Variants in CCDC30 observed in about 807,000 individuals in gnomAD.
CCDC30 encodes coiled-coil domain-containing protein 30.
Under a neutral mutation model 100.2 loss-of-function variants are expected in CCDC30, and 70 were observed. That is an observed-to-expected ratio of 0.70 (90% confidence interval 0.58 to 0.85). The LOEUF is 0.85. CCDC30 is among the 40% of genes least tolerant of loss of function. CCDC30 has a pLI of 0.00. For synonymous variants in CCDC30, 233 were observed against 269.5 expected (o/e 0.86, Z 1.33); for missense variants, 652 against 771.2 (o/e 0.85, Z 1.83).
intron 6 of CCDC30, among the ~76,000 whole-genome samples, chr1:42,554,792 T>C (rs1312340209): frequency 6.6e-6 from 1 of 152,144 alleles, no homozygotes; most frequent in East Asian, 1.9e-4. Context: ...TCTGTGGCTT[T>C]CACCTCCTCT....
chr1:42,524,390 T>C (rs1644693343), intron 6 of CCDC30, among the ~76,000 whole-genome samples: 1 of 152,152 alleles, frequency 6.6e-6, no homozygotes, highest in Non-Finnish European at 1.5e-5. Flanking sequence ...CTTTCAAATG[T>C]TCTGCTCTTT....
At chr1:42,581,646 A>C (rs1194949129) in intron 9 of CCDC30, 132 bp downstream of exon 13, 5 of 730,332 alleles carry the variant, frequency 6.8e-6, no homozygotes, top group African/African-American at 5.4e-5. Context: ...TCAGCCACAC[A>C]CAATTCCTGA....
intron 6 of CCDC30, among the ~76,000 whole-genome samples, chr1:42,544,985 T>G (rs998786956): frequency 3.3e-5 from 5 of 151,898 alleles, no homozygotes; most frequent in Non-Finnish European, 5.9e-5. Flanking sequence ...AATATATTTT[T>G]GTTTTTATTA....
chr1:42,577,787 T>C (rs2809650), intron 8 of CCDC30, among the ~76,000 whole-genome samples: 148,821 of 151,904 alleles, frequency 0.98, 72,968 homozygotes, highest in East Asian at 1. Flanking sequence ...ACTACAGGCG[T>C]CCACCACCAC....
intron 6 of CCDC30, among the ~76,000 whole-genome samples, chr1:42,511,166 G>A (rs768996282): frequency 6.6e-6 from 1 of 152,094 alleles, no homozygotes; most frequent in African/African-American, 2.4e-5. Context: ...CCAGCACCTT[G>A]TTAAATGTGC....
chr1:42,493,301 C>T (rs1460347198), intron 4 of CCDC30, among the ~76,000 whole-genome samples: 5 of 152,050 alleles, frequency 3.3e-5, no homozygotes, highest in African/African-American at 9.7e-5. Context: ...TTAGAATCAA[C>T]AAAAGTGGCT....
At position 42,552,604 on chromosome 1, in the gene CCDC30, A is replaced by T. The variant is rs548368176; in HGVS notation, c.457-13692A>T. ...GGAAAAATATACTTTAAATGGAAAA[A>T]TTTTAAAAAAAATTATTTTGAGGTA... On this transcript the variant is annotated intron_variant, in intron 6 of 16. Coordinates refer to ENST00000668663, the Ensembl canonical transcript of CCDC30. Among the ~76,000 whole-genome samples the T allele has an allele frequency of 2.3e-3, 343 of 148,464 alleles. 3 individuals are homozygous for T. The South Asian group carries it at 0.032, about 14-fold the overall frequency.
chr1:42,528,854 G>C (rs1338621314), intron 6 of CCDC30, among the ~76,000 whole-genome samples: 1 of 152,190 alleles, frequency 6.6e-6, no homozygotes, highest in Non-Finnish European at 1.5e-5. Flanking sequence ...AATGTTATCT[G>C]TGACATTCTG....
chr1:42,515,080 G>A (rs1317243436), intron 6 of CCDC30, among the ~76,000 whole-genome samples: 1 of 152,120 alleles, frequency 6.6e-6, no homozygotes, highest in Admixed American at 6.6e-5. Flanking sequence ...GAGTTAATTA[G>A]GGTGGGCCTT....
In CCDC30 at chr1:42,635,117, G is replaced by A. The variant is rs565210866; in HGVS notation, c.1278-2120G>A. ...GTTGCCCAGGCTGGAGTGCAGGGGC[G>A]CAATCTTGGCTCACTGCAACCTCCG... On this transcript the variant is annotated intron_variant, in intron 11 of 16. Transcript: ENST00000668663. 3.9e-5 allele frequency among the ~76,000 whole-genome samples: 6 copies of A among 152,146 alleles called. No homozygotes were observed. The South Asian group carries it at 8.3e-4, about 21-fold the overall frequency.
At chr1:42,481,345 G>A (rs1159351621) in intron 2 of CCDC30, among the ~76,000 whole-genome samples, 1 of 151,998 alleles carries the variant, frequency 6.6e-6, no homozygotes, top group Non-Finnish European at 1.5e-5. Flanking sequence ...GGAGGCCAAG[G>A]CAGACAGATC....
chr1:42,498,324 T>C (rs995314684), intron 5 of CCDC30, among the ~76,000 whole-genome samples: 3 of 152,138 alleles, frequency 2.0e-5, no homozygotes, highest in African/African-American at 7.2e-5. Flanking sequence ...AGAGTTTCAG[T>C]GCAAGATGAA....
chr1:42,628,560 A>G (rs1646974411), intron 11 of CCDC30, among the ~76,000 whole-genome samples: 2 of 152,152 alleles, frequency 1.3e-5, no homozygotes, highest in Admixed American at 6.5e-5. Flanking sequence ...CATGTTGTGC[A>G]AGGGACCCAG....
At position 42,545,369 on chromosome 1, in the gene CCDC30, G is replaced by A. The variant is rs1190073668; in HGVS notation, c.457-20927G>A. 2.7e-6 allele frequency: 4 copies of A among 1,477,448 alleles called. No individual in the cohort carries two copies. In the African/African-American group the frequency reaches 5.8e-5, roughly 21 times the overall value. The allele number at this position is 1,477,448 out of a possible 1,614,324, so 91.5% of individuals were successfully genotyped here. ...CTTTTTTTCACAGCTATAAATAAAA[G>A]TATGCAAAATAGAATATTTGTCTTT... On this transcript the variant is annotated intron_variant, in intron 6 of 16. Coordinates refer to ENST00000668663, the Ensembl canonical transcript of CCDC30.
chr1:42,519,146 T>C (rs1644598231), intron 6 of CCDC30, among the ~76,000 whole-genome samples: 1 of 152,202 alleles, frequency 6.6e-6, no homozygotes, highest in Admixed American at 6.5e-5. Context: ...TTGGTCATGG[T>C]TTATAATCCT....
the CCDC30 span, chr1:42,457,177 C>G: frequency 1.2e-6 from 2 of 1,604,210 alleles, no homozygotes; most frequent in South Asian, 2.2e-5. Context: ...CTGGGGAACC[C>G]GAGTTGAGAA....
At position 42,480,625 on chromosome 1, in the gene CCDC30, G is replaced by A. The variant is rs148609095; in HGVS notation, c.15+59G>A. The A allele has an allele frequency of 2.7e-5, 27 of 984,898 alleles. No individual in the cohort carries two copies. The East Asian group carries it at 9.1e-4, about 33-fold the overall frequency. The allele number at this position is 984,898 out of a possible 1,614,324, so 61.0% of individuals were successfully genotyped here. A position where few individuals can be genotyped will look rare whatever the true frequency, so the allele number is the denominator to read the frequency against. On this transcript the variant is annotated intron_variant, in intron 2 of 16. Transcript: ENST00000668663. ...TGTTCATGAAGACTGATTTATGTACGTTTCATTTATATATTGAATTTTGTT... is the reference window on the plus strand; with the variant it reads ...TGTTCATGAAGACTGATTTATGTACATTTCATTTATATATTGAATTTTGTT...
intron 11 of CCDC30, among the ~76,000 whole-genome samples, chr1:42,635,667 G>A (rs1487779427): frequency 6.6e-6 from 1 of 152,026 alleles, no homozygotes; most frequent in Non-Finnish European, 1.5e-5. Flanking sequence ...AAATTAGCCA[G>A]GCGTGGTGGT....
chr1:42,547,010 A>G (rs1292068695), intron 6 of CCDC30, among the ~76,000 whole-genome samples: 1 of 152,180 alleles, frequency 6.6e-6, no homozygotes. Context: ...TAAATGTTCT[A>G]AAGATAGAAG....
Sources: gnomAD v4.1 joint callset for allele counts (sites outside exome capture counted in the v4.1 genomes callset) on GRCh38, gnomAD v4.1.1 for gene constraint, MANE v1.5 for transcripts, NCBI Gene and HGNC (gene_info 2026-07-23, HGNC 2026-07-21) for gene names.